Variants in MYT1L observed in about 807,000 individuals in gnomAD.
MYT1L encodes the protein myelin transcription factor 1-like protein.
MYT1L carries 12 observed loss-of-function variants against 126.7 expected under a neutral mutation model. That is an observed-to-expected ratio of 0.09 (90% CI 0.06 to 0.15). The LOEUF is 0.15. Among genes scored for constraint, MYT1L ranks in the 10% least tolerant of loss-of-function variants. The pLI is 1.00. For synonymous variants in MYT1L, 541 were observed against 604.2 expected (o/e 0.90, Z 1.53); for missense variants, 979 against 1,585.2 (o/e 0.62, Z 6.49).
At chr2:1,862,269 A>G (rs191189969) in intron 18 of MYT1L, among the ~76,000 whole-genome samples, 4 of 60,156 alleles carry the variant, frequency 6.6e-5, no homozygotes, top group Non-Finnish European at 1.1e-4. Flanking sequence ...AGAGGTTTTT[A>G]AAAAAAAATC....
At chr2:2,207,949 C>T (rs566360720) in intron 2 of MYT1L, among the ~76,000 whole-genome samples, 115 of 152,260 alleles carry the variant, frequency 7.6e-4, no homozygotes, top group African/African-American at 2.8e-3. Flanking sequence ...TAACTCCCTT[C>T]TACTGGGGCC....
chr2:2,027,696 G>C (rs924834222), intron 4 of MYT1L, among the ~76,000 whole-genome samples: 5 of 152,150 alleles, frequency 3.3e-5, no homozygotes, highest in Admixed American at 3.3e-4. Context: ...CTAACAAAGG[G>C]TTTACATTCA....
At chr2:2,065,500 C>A (rs569664447) in intron 3 of MYT1L, among the ~76,000 whole-genome samples, 1 of 152,236 alleles carries the variant, frequency 6.6e-6, no homozygotes, top group African/African-American at 2.4e-5. Context: ...AACTCCTCAT[C>A]ATTTTAAACT....
At chr2:2,168,534 A>G (rs552905495) in intron 3 of MYT1L, among the ~76,000 whole-genome samples, 3 of 152,186 alleles carry the variant, frequency 2.0e-5, no homozygotes, top group Admixed American at 6.5e-5. Context: ...TAACGCACTC[A>G]TCCATTGCTG....
intron 2 of MYT1L, among the ~76,000 whole-genome samples, chr2:2,262,445 C>A (rs1280469006): frequency 1.3e-5 from 2 of 152,008 alleles, no homozygotes; most frequent in Non-Finnish European, 2.9e-5. Flanking sequence ...GTAATCCCAG[C>A]ACTTTGGGAG....
At chr2:2,327,083 A>G (rs1426565840) in intron 1 of MYT1L, 2 of 152,220 alleles carry the variant, frequency 1.3e-5, no homozygotes, top group Admixed American at 6.5e-5. Flanking sequence ...ATCAGAAAAA[A>G]TCATGCAATA....
chr2:2,171,098 G>A (rs2089991128), intron 3 of MYT1L, among the ~76,000 whole-genome samples: 1 of 152,176 alleles, frequency 6.6e-6, no homozygotes, highest in Admixed American at 6.5e-5. Context: ...ACTCCACTGA[G>A]GATGGCAGTC....
intron 2 of MYT1L, among the ~76,000 whole-genome samples, chr2:2,193,110 T>C (rs1489778285): frequency 6.6e-6 from 1 of 152,046 alleles, no homozygotes; most frequent in East Asian, 1.9e-4. Context: ...CCCAAGTAGC[T>C]GGGATTATAG....
At chr2:2,218,450 C>T (rs1175602038) in intron 2 of MYT1L, among the ~76,000 whole-genome samples, 1 of 152,072 alleles carries the variant, frequency 6.6e-6, no homozygotes, top group African/African-American at 2.4e-5. Context: ...ATGTTGAGTG[C>T]AAGAATACAG....
chr2:2,308,867 A>G (rs1473956663), intron 1 of MYT1L, among the ~76,000 whole-genome samples: 1 of 151,654 alleles, frequency 6.6e-6, no homozygotes, highest in Non-Finnish European at 1.5e-5. Context: ...TCCCACCTAC[A>G]CTTCAGCATA....
chr2:2,070,582 G>T (rs763917039), intron 3 of MYT1L, among the ~76,000 whole-genome samples: 1 of 152,212 alleles, frequency 6.6e-6, no homozygotes, highest in Non-Finnish European at 1.5e-5. Flanking sequence ...TGAGCAAGAT[G>T]AACCAACAAC....
At chr2:2,292,114 A>G (rs760433338) in intron 1 of MYT1L, among the ~76,000 whole-genome samples, 2 of 152,318 alleles carry the variant, frequency 1.3e-5, no homozygotes, top group Middle Eastern at 3.4e-3. Context: ...GAATCTTCCC[A>G]GGCAAAAGGG....
At chr2:2,055,432 A>G (rs772606941) in intron 3 of MYT1L, among the ~76,000 whole-genome samples, 8 of 152,226 alleles carry the variant, frequency 5.3e-5, no homozygotes, top group Non-Finnish European at 1.2e-4. Context: ...TATAGCTATA[A>G]AGCAACATCC....
At chr2:2,010,547 G>A (rs956492202) in intron 4 of MYT1L, among the ~76,000 whole-genome samples, 6 of 152,008 alleles carry the variant, frequency 3.9e-5, no homozygotes, top group Non-Finnish European at 8.8e-5. Context: ...TCATTATATT[G>A]GATCAAGTCT....
At chr2:1,846,772 C>G (rs1306885995) in intron 19 of MYT1L, among the ~76,000 whole-genome samples, 2 of 152,200 alleles carry the variant, frequency 1.3e-5, no homozygotes, top group Non-Finnish European at 2.9e-5. Context: ...CCTCCGGACC[C>G]TCTGACTAAA....
intron 3 of MYT1L, among the ~76,000 whole-genome samples, chr2:2,170,941 C>A (rs552161268): frequency 1.3e-5 from 2 of 152,266 alleles, no homozygotes; most frequent in East Asian, 3.9e-4. Context: ...GAAAGATCGA[C>A]GTGAAATGCA....
chr2:1,869,626 G>A (rs1573042194), intron 18 of MYT1L, among the ~76,000 whole-genome samples: 2 of 152,228 alleles, frequency 1.3e-5, no homozygotes, highest in African/African-American at 2.4e-5. Context: ...TCATGCTGCC[G>A]TTTCTCTCTG....
At chr2:2,221,929 C>T (rs959668758) in intron 2 of MYT1L, among the ~76,000 whole-genome samples, 31 of 152,298 alleles carry the variant, frequency 2.0e-4, no homozygotes, top group African/African-American at 6.3e-4. Context: ...AAGCCGCCTT[C>T]CTGTTTTCCC....
chr2:2,130,108 A>G (rs1404030717), intron 3 of MYT1L, among the ~76,000 whole-genome samples: 2 of 152,152 alleles, frequency 1.3e-5, no homozygotes, highest in East Asian at 3.9e-4. Context: ...AAAATAATCT[A>G]TATCCCCCAA....
Sources: gnomAD v4.1 joint callset for allele counts (sites outside exome capture counted in the v4.1 genomes callset) on GRCh38, gnomAD v4.1.1 for gene constraint, MANE v1.5 for transcripts, NCBI Gene and HGNC (gene_info 2026-07-23, HGNC 2026-07-21) for gene names.